The following PRKN variants were observed in gnomAD, a reference collection of about 807,000 sequenced individuals.
PRKN encodes the protein E3 ubiquitin-protein ligase parkin.
A neutral mutation model predicts 59.5 loss-of-function variants in PRKN; 56 were observed. The observed-to-expected ratio is 0.94, with a 90% CI of 0.76 to 1.18. The LOEUF is 1.18. Among genes scored for constraint, PRKN ranks in the 50% most tolerant of loss-of-function variants. The pLI is 0.00. For synonymous variants in PRKN, 250 were observed against 222.1 expected (o/e 1.13, Z -1.12); for missense variants, 657 against 596.4 (o/e 1.10, Z -1.06).
chr6:162,332,465 CA>C (rs1783627242), intron 2 of PRKN, among the ~76,000 whole-genome samples: 1 of 152,164 alleles, frequency 6.6e-6, no homozygotes, highest in Non-Finnish European at 1.5e-5. Context: ...TTAGGACGCA[CA>C]TAAATTATTT....
At chr6:162,303,621 A>T in intron 2 of PRKN, among the ~76,000 whole-genome samples, 1 of 152,182 alleles carries the variant, frequency 6.6e-6, no homozygotes, top group Non-Finnish European at 1.5e-5. Flanking sequence ...TGTAAAAAAA[A>T]ATTAGACAAA....
At position 161,413,716 on chromosome 6, in the gene PRKN, G is replaced by A. The variant is rs1787699856; in HGVS notation, c.1084-26839C>T. Among the ~76,000 whole-genome samples, 1 of 152,192 alleles carries A rather than the reference G, an allele frequency of 6.6e-6. No homozygotes were observed. On this transcript the variant is annotated intron_variant, in intron 9 of 11. Coordinates refer to ENST00000366898, the MANE Select transcript of PRKN (RefSeq NM_004562.3). This position sits in a 1 kb window ranked among gnomAD's most constrained non-coding sequence, Gnocchi z 4.4. ...TTCCCACAGGAGTCCAGCTGAGAAG[G>A]AAGCCACATGGCCATTCCTGAGAAC...
At position 161,372,605 on chromosome 6, in the gene PRKN, CA is replaced by C. The variant is rs1785483618; in HGVS notation, c.1168-12401del. Among the ~76,000 whole-genome samples the C allele has an allele frequency of 6.6e-6, 1 of 152,180 alleles. No individual in the cohort carries two copies. Among genetic ancestry groups the C allele is most frequent in the Non-Finnish European group, 1.5e-5 (1 of 68,030 alleles). ...CTGCCTTGTGGAGCTTCCCCATTAGCAGAACGGCGGCTCTCAGACCAGCGGC... is the reference window on the plus strand; with the variant it reads ...CTGCCTTGTGGAGCTTCCCCATTAGCGAACGGCGGCTCTCAGACCAGCGGC... On this transcript the variant is annotated intron_variant, in intron 10 of 11. Transcript: ENST00000366898. This position sits in a 1 kb window ranked among gnomAD's most constrained non-coding sequence, Gnocchi z 4.2.
intron 1 of PRKN, among the ~76,000 whole-genome samples, chr6:162,461,444 G>C (rs547905443): frequency 8.1e-6 from 1 of 123,914 alleles, no homozygotes; most frequent in African/African-American, 3.0e-5. Flanking sequence ...GGAGGCTGCA[G>C]TGAGCTGAGA....
intron 3 of PRKN, among the ~76,000 whole-genome samples, chr6:162,243,981 C>T (rs1779097612): frequency 6.6e-6 from 1 of 152,010 alleles, no homozygotes; most frequent in Non-Finnish European, 1.5e-5. Context: ...CCAGATAGCT[C>T]CCTTTGGACC....
At chr6:162,301,454 C>T (rs571909421) in intron 2 of PRKN, among the ~76,000 whole-genome samples, 3 of 152,238 alleles carry the variant, frequency 2.0e-5, no homozygotes, top group African/African-American at 7.2e-5. Flanking sequence ...CCAAACACTA[C>T]TGACAGGGCG....
intron 7 of PRKN, among the ~76,000 whole-genome samples, chr6:161,779,535 C>A (rs1349039266): frequency 7.7e-6 from 1 of 129,754 alleles, no homozygotes; most frequent in African/African-American, 2.9e-5. Flanking sequence ...ACTTCCATCA[C>A]CTGGGTTCAA....
At position 161,973,258 on chromosome 6, in the gene PRKN, C is replaced by A. The variant is rs755939170; in HGVS notation, c.734+44G>T. The A allele has an allele frequency of 3.2e-6, 4 of 1,253,062 alleles. No homozygotes were observed. The African/African-American group carries it at 4.4e-5, about 14-fold the overall frequency. 77.6% of individuals were successfully genotyped at this position (1,253,062 alleles called of 1,614,324 possible). On this transcript the variant is annotated intron_variant, in intron 6 of 11. Coordinates refer to ENST00000366898, the MANE Select transcript of PRKN (RefSeq NM_004562.3). ...GAGTGATGCTATTTTTAGATCCTTA[C>A]CTCACGTCCGTGGAGGGAAGTGACA...
intron 1 of PRKN, among the ~76,000 whole-genome samples, chr6:162,606,139 T>C (rs1781904051): frequency 6.6e-6 from 1 of 152,210 alleles, no homozygotes; most frequent in Admixed American, 6.5e-5. Context: ...AACAAATTCG[T>C]AGATTAACCA....
At chr6:161,870,868 C>G (rs1794313385) in intron 6 of PRKN, among the ~76,000 whole-genome samples, 1 of 152,076 alleles carries the variant, frequency 6.6e-6, no homozygotes, top group Non-Finnish European at 1.5e-5. Flanking sequence ...AACTAGAGAA[C>G]TCTGGGGAGT....
intron 9 of PRKN, among the ~76,000 whole-genome samples, chr6:161,489,624 A>AC: frequency 6.7e-6 from 1 of 149,038 alleles, no homozygotes; most frequent in African/African-American, 2.5e-5. Context: ...TGTATGTAAT[A>AC]ATTTTTTTTT....
At chr6:161,782,287 A>G (rs115911267) in intron 7 of PRKN, among the ~76,000 whole-genome samples, 2,679 of 152,284 alleles carry the variant, frequency 0.018, 69 homozygotes, top group African/African-American at 0.06. Flanking sequence ...AATAGGTACT[A>G]TAGAGTGAAA....
intron 4 of PRKN, among the ~76,000 whole-genome samples, chr6:162,152,411 A>G (rs1181186920): frequency 6.6e-6 from 1 of 152,204 alleles, no homozygotes; most frequent in East Asian, 1.9e-4. Context: ...ACTCAGCCAC[A>G]TCATAACTTC....
intron 1 of PRKN, among the ~76,000 whole-genome samples, chr6:162,460,350 A>C (rs1236479731): frequency 6.6e-6 from 1 of 152,194 alleles, no homozygotes; most frequent in African/African-American, 2.4e-5. Flanking sequence ...TGATTGCCTA[A>C]GGTGGTGGTG....
intron 7 of PRKN, among the ~76,000 whole-genome samples, chr6:161,684,115 A>T (rs1489649665): frequency 6.6e-6 from 1 of 152,222 alleles, no homozygotes; most frequent in East Asian, 1.9e-4. Flanking sequence ...AAGAAATAAG[A>T]TGTCAGATGA....
chr6:162,725,310 A>G (rs1779101117), intron 1 of PRKN, among the ~76,000 whole-genome samples: 1 of 152,250 alleles, frequency 6.6e-6, no homozygotes, highest in Non-Finnish European at 1.5e-5. Context: ...ATCACTGGAT[A>G]AAGTCTATAA....
intron 4 of PRKN, among the ~76,000 whole-genome samples, chr6:162,159,457 G>C (rs1023139298): frequency 6.6e-6 from 1 of 152,162 alleles, no homozygotes; most frequent in African/African-American, 2.4e-5. Context: ...GAAATTTTCA[G>C]AAAGTCCTAA....
chr6:162,549,828 G>C (rs965555098), intron 1 of PRKN, among the ~76,000 whole-genome samples: 1 of 151,978 alleles, frequency 6.6e-6, no homozygotes, highest in Non-Finnish European at 1.5e-5. Context: ...TAGTAGAGAC[G>C]AGGTTTCACC....
intron 7 of PRKN, among the ~76,000 whole-genome samples, chr6:161,631,634 A>G (rs1339709202): frequency 6.6e-6 from 1 of 152,262 alleles, no homozygotes; most frequent in African/African-American, 2.4e-5. Context: ...AATTTATTGG[A>G]CAGTTTTCAT....
Sources: allele counts gnomAD v4.1 joint callset (sites outside exome capture counted in the v4.1 genomes callset), GRCh38; gene constraint gnomAD v4.1.1; non-coding constraint Gnocchi (gnomAD v3.1); transcripts MANE v1.5; gene names NCBI Gene and HGNC (gene_info 2026-07-23, HGNC 2026-07-21).